Variants in RCAN2 observed in about 807,000 individuals in gnomAD.
RCAN2 encodes the protein regulator of calcineurin 2, also known as calcipressin-2.
Under a neutral mutation model 23.6 loss-of-function variants are expected in RCAN2, and 9 were observed. The observed-to-expected ratio is 0.38, with a 90% confidence interval of 0.23 to 0.67. RCAN2 has a LOEUF of 0.67. Ranked by LOEUF, RCAN2 falls within the 30% of genes least tolerant of loss-of-function variation. The pLI is 0.51. For missense variants in RCAN2, 273 were observed against 302.3 expected (o/e 0.90, Z 0.72); for synonymous variants, 109 against 115.7 (o/e 0.94, Z 0.37).
chr6:46,386,914 A>G (rs554224436), intron 2 of RCAN2, among the ~76,000 whole-genome samples: 1 of 152,294 alleles, frequency 6.6e-6, no homozygotes, highest in South Asian at 2.1e-4. Context: ...ATATAGACCA[A>G]TGGAACAGAA....
intron 1 of RCAN2, among the ~76,000 whole-genome samples, chr6:46,470,272 G>A (rs1044891243): frequency 4.6e-5 from 7 of 152,154 alleles, no homozygotes; most frequent in African/African-American, 2.4e-5. Context: ...AAGACCAATG[G>A]AAGCTATTTA....
At chr6:46,376,621 A>G (rs1582153084) in intron 2 of RCAN2, among the ~76,000 whole-genome samples, 1 of 152,170 alleles carries the variant, frequency 6.6e-6, no homozygotes, top group South Asian at 2.1e-4. Flanking sequence ...TGGAGGTTGC[A>G]GTGAGCCGAG....
chr6:46,390,597 T>A (rs566182848), intron 2 of RCAN2, among the ~76,000 whole-genome samples: 16 of 152,340 alleles, frequency 1.1e-4, no homozygotes, highest in South Asian at 2.1e-4. Flanking sequence ...AGTAAATAAA[T>A]GAACATCTGT....
rs1331819611 is a variant in RCAN2, at chr6:46,221,970, A to G, written c.*1171T>C. 5.0e-6 allele frequency: 2 copies of G among 398,430 alleles called. No homozygotes were observed. Among genetic ancestry groups the G allele is most frequent in the Non-Finnish European group, 8.8e-6 (2 of 226,018 alleles). 24.7% of individuals were successfully genotyped at this position (398,430 alleles called of 1,614,324 possible). ...GAGTAGGACCGGCATACATGTAGCT[A>G]TCATCCTTCCCCATTTTAACATGCT... On this transcript the variant is annotated 3_prime_UTR_variant, in exon 5 of 5. Coordinates refer to ENST00000371374, the MANE Select transcript of RCAN2 (RefSeq NM_001251974.2).
At chr6:46,475,233 C>G (rs957875851) in intron 1 of RCAN2, among the ~76,000 whole-genome samples, 3 of 152,248 alleles carry the variant, frequency 2.0e-5, no homozygotes, top group African/African-American at 7.2e-5. Context: ...ATGTTGCCAT[C>G]CTCTGCTTCA....
chr6:46,441,689 TAGTC>T (rs10542479), intron 2 of RCAN2, among the ~76,000 whole-genome samples: 6,028 of 152,236 alleles, frequency 0.04, 240 homozygotes, highest in South Asian at 0.12. Flanking sequence ...TTTAAAATAA[TAGTC>T]AGGCTATATG....
intron 2 of RCAN2, among the ~76,000 whole-genome samples, chr6:46,341,303 G>C (rs1764311384): frequency 6.6e-6 from 1 of 152,026 alleles, no homozygotes; most frequent in Admixed American, 6.5e-5. Flanking sequence ...AAAGCAGGGG[G>C]GTCAAATCTT....
intron 2 of RCAN2, among the ~76,000 whole-genome samples, chr6:46,402,576 C>T (rs1766280395): frequency 1.3e-5 from 2 of 152,176 alleles, no homozygotes; most frequent in South Asian, 4.1e-4. Context: ...CCTTATTTGA[C>T]TGTAGGTCAT....
intron 4 of RCAN2, among the ~76,000 whole-genome samples, chr6:46,231,102 G>T (rs1055158913): frequency 5.3e-5 from 8 of 152,118 alleles, no homozygotes; most frequent in African/African-American, 1.9e-4. Context: ...ACTTTATTTG[G>T]ACCTAAGGTC....
chr6:46,313,921 G>C (rs1763343357), intron 2 of RCAN2, among the ~76,000 whole-genome samples: 1 of 152,194 alleles, frequency 6.6e-6, no homozygotes, highest in East Asian at 1.9e-4. Context: ...TCATTATACA[G>C]TGAGAATATA....
chr6:46,347,579 T>C (rs1764524229), intron 2 of RCAN2, among the ~76,000 whole-genome samples: 2 of 152,234 alleles, frequency 1.3e-5, no homozygotes. Flanking sequence ...ATCTTATATG[T>C]ATTTTATAAG....
intron 1 of RCAN2, among the ~76,000 whole-genome samples, chr6:46,473,062 G>A (rs1437661696): frequency 6.6e-6 from 1 of 152,154 alleles, no homozygotes; most frequent in African/African-American, 2.4e-5. Flanking sequence ...TTTTCCTGGG[G>A]TCCACAGCCC....
At chr6:46,322,324 G>A (rs1263485636) in intron 2 of RCAN2, among the ~76,000 whole-genome samples, 7 of 152,320 alleles carry the variant, frequency 4.6e-5, no homozygotes, top group East Asian at 1.9e-4. Context: ...CTCTCACATT[G>A]CAGAACAGAC....
chr6:46,267,805 T>A (rs1488676553), intron 2 of RCAN2, among the ~76,000 whole-genome samples: 1 of 152,066 alleles, frequency 6.6e-6, no homozygotes, highest in Non-Finnish European at 1.5e-5. Context: ...TCAAGAAAAA[T>A]AAATTTATGT....
intron 2 of RCAN2, among the ~76,000 whole-genome samples, chr6:46,326,201 GA>G (rs1383676630): frequency 6.6e-6 from 1 of 152,156 alleles, no homozygotes; most frequent in Non-Finnish European, 1.5e-5. Context: ...GAGGTTTGTG[GA>G]AATTCTATTT....
At chr6:46,265,069 A>T (rs1561834825) in intron 2 of RCAN2, among the ~76,000 whole-genome samples, 1 of 152,150 alleles carries the variant, frequency 6.6e-6, no homozygotes, top group Non-Finnish European at 1.5e-5. Context: ...AGTGGGATGG[A>T]CACGTCTTTT....
In RCAN2 at chr6:46,322,738, T is replaced by C. The variant is rs147050817; in HGVS notation, c.226-73842A>G. The stretch of plus-strand genomic sequence containing the variant: ...CAGACCCTTTCCATGTGCCTCCCTT[T>C]TCTCTGACAATAAACCTTAAAGATT... On this transcript the variant is annotated intron_variant, in intron 2 of 4. Transcript: ENST00000371374. Among the ~76,000 whole-genome samples, 1,095 of 152,354 alleles carry C rather than the reference T, an allele frequency of 7.2e-3. 8 individuals carry two copies. The highest frequency in any genetic ancestry group is 0.025 in the African/African-American group (1,021 of 41,586).
intron 2 of RCAN2, among the ~76,000 whole-genome samples, chr6:46,454,373 T>A (rs1767963467): frequency 6.6e-6 from 1 of 152,182 alleles, no homozygotes; most frequent in East Asian, 1.9e-4. Flanking sequence ...TCCCCACTTT[T>A]TTTTCTGGAG....
intron 2 of RCAN2, among the ~76,000 whole-genome samples, chr6:46,293,033 T>A (rs1762617310): frequency 6.6e-6 from 1 of 152,244 alleles, no homozygotes; most frequent in African/African-American, 2.4e-5. Flanking sequence ...TTCATCCATG[T>A]CCCTGCAAAA....
Sources: allele counts gnomAD v4.1 joint callset (sites outside exome capture counted in the v4.1 genomes callset), GRCh38; gene constraint gnomAD v4.1.1; transcripts MANE v1.5; gene names NCBI Gene and HGNC (gene_info 2026-07-23, HGNC 2026-07-21).